MMGT1: variants seen among roughly 807,000 people sequenced by gnomAD.
MMGT1 encodes the protein membrane magnesium transporter 1.
MMGT1 carries 2 observed loss-of-function variants against 11.7 expected under a neutral mutation model. That is an observed-to-expected ratio of 0.17 (90% CI 0.07 to 0.54). The LOEUF (loss-of-function observed/expected upper bound fraction) is 0.54. Ranked by LOEUF, MMGT1 falls within the 20% of genes least tolerant of loss-of-function variation. The pLI, the probability that MMGT1 is intolerant of heterozygous loss-of-function variation, is 0.94. For synonymous variants in MMGT1, 49 were observed against 44.4 expected, an observed-to-expected ratio of 1.10 and a Z score of -0.41; for missense variants, 74 against 109.0, an observed-to-expected ratio of 0.68 and a Z score of 1.43.
rs1556612924 is a variant in MMGT1 at position 135,973,839 on chromosome X, A to T, written c.-164T>A. On this transcript the variant is annotated 5_prime_UTR_variant, in exon 1 of 4. Transcript: ENST00000305963. The stretch of plus-strand genomic sequence containing the variant: ...GCCAGAGGGCTGTGAGAAAACGGAA[A>T]CAGGAATGCCGGGAAGAAGCAGAAA... 8.6e-7 allele frequency: 1 copy of T among 1,162,553 alleles called. No homozygotes were observed. Among genetic ancestry groups the T allele is most frequent in the Admixed American group, 2.6e-5 (1 of 38,459 alleles).
At chrX:135,969,499 C>T (rs374935628) in intron 2 of MMGT1, among the ~76,000 whole-genome samples, 3 of 110,912 alleles carry the variant, frequency 2.7e-5, no homozygotes, top group African/African-American at 9.8e-5. Flanking sequence ...CCACCATGCC[C>T]GGCTAATTTT....
Position 135,963,146 on chromosome X carries a change from G to T in MMGT1, c.*1878C>A, listed in dbSNP as rs782153847. 9.0e-6 allele frequency: 1 copy of T among 111,403 alleles called. No individual in the cohort carries two copies. The highest frequency in any genetic ancestry group is 3.3e-5 in the African/African-American group (1 of 30,689). 9.2% of individuals were successfully genotyped at this position (111,403 alleles called of 1,213,427 possible). A position where few individuals can be genotyped will look rare whatever the true frequency, so the allele number is the denominator to read the frequency against. On this transcript the variant is annotated 3_prime_UTR_variant, in exon 4 of 4. Transcript: ENST00000305963. Reference sequence around the variant, plus strand: ...CTCGGGGATGGGGTGGGCACTGGGAGAAAATGAGAGGTGACTGCTCAAGGG... The same window carrying T: ...CTCGGGGATGGGGTGGGCACTGGGATAAAATGAGAGGTGACTGCTCAAGGG...
At position 135,961,510 on chromosome X, in the gene MMGT1, G is replaced by A; in HGVS notation, c.*3514C>T. 9.0e-6 allele frequency among the ~76,000 whole-genome samples: 1 copy of A among 111,196 alleles called. No individual in the cohort carries two copies. The highest frequency in any genetic ancestry group is 3.8e-4 in the South Asian group (1 of 2,644). ...CCTTTCTGTACCATCTGATCTTTTC[G>A]CCATGTGCATACATCATCTTTCTTG... On this transcript the variant is annotated 3_prime_UTR_variant, in exon 4 of 4. Coordinates refer to ENST00000305963, the MANE Select transcript of MMGT1 (RefSeq NM_173470.3).
At chrX:135,972,818 T>C (rs1227687290) in intron 1 of MMGT1, among the ~76,000 whole-genome samples, 1 of 112,016 alleles carries the variant, frequency 8.9e-6, no homozygotes, top group Non-Finnish European at 1.9e-5. Context: ...GGTCTGTTGA[T>C]CACACTGTAA....
At position 135,973,593 on chromosome X, in the gene MMGT1, T is replaced by C. The variant is rs2089233436; in HGVS notation, c.79+4A>G. On this transcript the variant is annotated splice_donor_region_variant and intron_variant, in intron 1 of 3. Transcript: ENST00000305963. ...GAAGCGGTCCCCGTGCCCCAGGCAC[T>C]TACGCTGCGCAGCGGAAAAGGCGGC... 8.6e-7 allele frequency: 1 copy of C among 1,163,075 alleles called. No homozygotes were observed. Among genetic ancestry groups the C allele is most frequent in the South Asian group, 1.9e-5 (1 of 52,591 alleles).
rs2089192326 is a variant in MMGT1, at chrX:135,967,401, T to C, written c.225A>G (p.Glu75=). 5.2e-6 allele frequency: 6 copies of C among 1,164,030 alleles called. No individual in the cohort carries two copies. In the East Asian group the frequency reaches 1.5e-4, roughly 29 times the overall value. The change falls in exon 3 of 4, where the codon GAA becomes GAG. Residue 75 remains glutamate (E), a synonymous_variant. Coordinates refer to ENST00000305963, the MANE Select transcript of MMGT1 (RefSeq NM_173470.3). The stretch of plus-strand genomic sequence containing the variant: ...AGAGAAAGACTTACTTATTTTTCAG[T>C]TCTGAAGTGGCATCCATGTCTTTAA... The part of the protein sequence containing the change: ...GEFKDMDATS[E]LKNKTFDTLR...
chrX:135,965,842 G>C (rs1378316912), intron 3 of MMGT1, among the ~76,000 whole-genome samples: 1 of 112,110 alleles, frequency 8.9e-6, no homozygotes, highest in Non-Finnish European at 1.9e-5. Context: ...GCAGCACATA[G>C]ATTACAGCTT....
chrX:135,970,256 A>G (rs781969523), intron 2 of MMGT1, among the ~76,000 whole-genome samples: 17 of 109,966 alleles, frequency 1.5e-4, no homozygotes, highest in Non-Finnish European at 1.5e-4. Context: ...AATCCCAGCT[A>G]CTTGGGAGGC....
At position 135,965,098 on chromosome X, in the gene MMGT1, T is replaced by C. The variant is rs141413370; in HGVS notation, c.322A>G (p.Asn108Asp). The change falls in exon 4 of 4, where the codon AAT becomes GAT. Residue 108 changes from asparagine to aspartate, a missense_variant. Transcript: ENST00000305963. ...RVLFRPSDTA[N>D]SSNQDALSSN... ...GACAATGCATCTTGGTTTGAAGAATTTGCTGTATCCGAAGGCCGGAAAAGT... is the reference window on the plus strand; with the variant it reads ...GACAATGCATCTTGGTTTGAAGAATCTGCTGTATCCGAAGGCCGGAAAAGT... The C allele has an allele frequency of 1.7e-6, 2 of 1,208,569 alleles. No homozygotes were observed. Among genetic ancestry groups the C allele is most frequent in the Admixed American group, 2.2e-5 (1 of 46,004 alleles).
intron 1 of MMGT1, among the ~76,000 whole-genome samples, chrX:135,971,722 C>T (rs2089220661): frequency 8.9e-6 from 1 of 111,823 alleles, no homozygotes. Context: ...AATAGGAATT[C>T]CATGAAATCA....
Position 135,964,429 on chromosome X carries a change from G to A in MMGT1, c.*595C>T, listed in dbSNP as rs2089173564. On this transcript the variant is annotated 3_prime_UTR_variant, in exon 4 of 4. Transcript: ENST00000305963. ...ACTGCACACAGAATCTCAGAGAAAT[G>A]ATGAAACAAGACAGCTGATGGTAGA... 1 of 112,918 alleles carries A rather than the reference G, an allele frequency of 8.9e-6. No individual in the cohort carries two copies. The highest frequency in any genetic ancestry group is 3.6e-4 in the South Asian group (1 of 2,770). The allele number at this position is 112,918 out of a possible 1,213,427, so 9.3% of individuals were successfully genotyped here.
At chrX:135,969,562 T>A (rs1277929043) in intron 2 of MMGT1, among the ~76,000 whole-genome samples, 1 of 111,157 alleles carries the variant, frequency 9.0e-6, no homozygotes, top group Non-Finnish European at 1.9e-5. Context: ...ATGGTCTTGA[T>A]CTCCTGACCT....
In MMGT1 at chrX:135,964,905, C is replaced by G. The variant is rs901172272; in HGVS notation, c.*119G>C. The G allele has an allele frequency of 1.7e-6, 1 of 583,522 alleles. No individual in the cohort carries two copies. The highest frequency in any genetic ancestry group is 2.7e-6 in the Non-Finnish European group (1 of 376,805). 48.1% of individuals were successfully genotyped at this position (583,522 alleles called of 1,213,427 possible). ...TAAACAAGGGCCATGGTTTTTTTTA[C>G]TAAAGTAGGTCTGAAAGATCAATAT... On this transcript the variant is annotated 3_prime_UTR_variant, in exon 4 of 4. Transcript: ENST00000305963.
intron 1 of MMGT1, among the ~76,000 whole-genome samples, chrX:135,972,750 T>C (rs1020947994): frequency 1.8e-5 from 2 of 112,056 alleles, no homozygotes; most frequent in African/African-American, 6.5e-5. Flanking sequence ...CAGATTCTGA[T>C]TGAACAGGTC....
At chrX:135,971,433 C>A (rs781934464) in intron 1 of MMGT1, among the ~76,000 whole-genome samples, 1 of 112,428 alleles carries the variant, frequency 8.9e-6, no homozygotes, top group South Asian at 3.6e-4. Context: ...TTCATCATGA[C>A]CTGCTTTGTC....
Position 135,967,532 on chromosome X carries a change from CATT to C in MMGT1, c.133-42_133-40del, listed in dbSNP as rs782407657. 9.7e-4 allele frequency: 763 copies of C among 788,442 alleles called. 6 individuals are homozygous for C. The African/African-American group carries it at 0.013, about 14-fold the overall frequency. The allele number at this position is 788,442 out of a possible 1,213,427, so 65.0% of individuals were successfully genotyped here. On this transcript the variant is annotated intron_variant, in intron 2 of 3. Transcript: ENST00000305963. The stretch of plus-strand genomic sequence containing the variant: ...GATTGATAATACTAAATAACACAAA[CATT>C]ATTATAAATATTTACAATTTTCTCT...
rs782524363 is a variant in MMGT1, at chrX:135,961,607, C to T, written c.*3417G>A. Among the ~76,000 whole-genome samples, 1 of 111,287 alleles carries T rather than the reference C, an allele frequency of 9.0e-6. No homozygotes were observed. Among genetic ancestry groups the T allele is most frequent in the Non-Finnish European group, 1.9e-5 (1 of 52,996 alleles). On this transcript the variant is annotated 3_prime_UTR_variant, in exon 4 of 4. Transcript: ENST00000305963. Reference sequence around the variant, plus strand: ...GATATTCCTAGGTAGGTTTGAATACCGGTGGTGTTATTTTTCAAAATACTG... The same window carrying T: ...GATATTCCTAGGTAGGTTTGAATACTGGTGGTGTTATTTTTCAAAATACTG...
rs1556612919 is a variant in MMGT1 at position 135,973,822 on chromosome X, G to A, written c.-147C>T. Reference sequence around the variant, plus strand: ...GTCTCAGTGGTGGAAAAGCCAGAGGGCTGTGAGAAAACGGAAACAGGAATG... The same window carrying A: ...GTCTCAGTGGTGGAAAAGCCAGAGGACTGTGAGAAAACGGAAACAGGAATG... On this transcript the variant is annotated 5_prime_UTR_variant, in exon 1 of 4. Transcript: ENST00000305963. The A allele has an allele frequency of 3.4e-6, 4 of 1,163,873 alleles. No homozygotes were observed. Among genetic ancestry groups the A allele is most frequent in the Non-Finnish European group, 4.6e-6 (4 of 871,784 alleles).
At chrX:135,972,136 G>C (rs1556612643) in intron 1 of MMGT1, among the ~76,000 whole-genome samples, 1 of 111,792 alleles carries the variant, frequency 8.9e-6, no homozygotes, top group East Asian at 2.8e-4. Flanking sequence ...AGTCTGACAT[G>C]ACACACTTAG....
Sources: allele counts gnomAD v4.1 joint callset (sites outside exome capture counted in the v4.1 genomes callset), GRCh38; gene constraint gnomAD v4.1.1; transcripts MANE v1.5; gene names NCBI Gene and HGNC (gene_info 2026-07-23, HGNC 2026-07-21).